The following RNF111 variants were observed in gnomAD, a reference collection of about 807,000 sequenced individuals.
RNF111 encodes E3 ubiquitin-protein ligase Arkadia.
Under a neutral mutation model 95.1 loss-of-function variants are expected in RNF111, and 17 were observed. The ratio of observed to expected loss-of-function variants is 0.18; its 90% CI spans 0.12 to 0.27. The LOEUF is 0.27. Ranked by LOEUF, RNF111 falls within the 10% of genes least tolerant of loss-of-function variation. RNF111 has a pLI of 1.00. For missense variants in RNF111, 1,189 were observed against 1,210.4 expected, an observed-to-expected ratio of 0.98 and a Z score of 0.26; for synonymous variants, 440 against 414.8, an observed-to-expected ratio of 1.06 and a Z score of -0.74.
intron 1 of RNF111, among the ~76,000 whole-genome samples, chr15:59,021,563 G>A (rs191099222): frequency 6.6e-4 from 100 of 152,256 alleles, no homozygotes; most frequent in Non-Finnish European, 1.3e-3. Context: ...AATAATAACA[G>A]CCACTATGCC....
chr15:59,039,136 T>A (rs1306097263), intron 2 of RNF111, among the ~76,000 whole-genome samples: 1 of 151,994 alleles, frequency 6.6e-6, no homozygotes, highest in Non-Finnish European at 1.5e-5. Context: ...GGCTAATTTT[T>A]TATTTTTAGT....
At chr15:59,045,027 A>C (rs1369388408) in intron 2 of RNF111, among the ~76,000 whole-genome samples, 1 of 152,206 alleles carries the variant, frequency 6.6e-6, no homozygotes, top group Non-Finnish European at 1.5e-5. Context: ...TTAGTTACAT[A>C]ATCTCTGTAT....
intron 1 of RNF111, among the ~76,000 whole-genome samples, chr15:59,026,559 T>C (rs1451327790): frequency 1.3e-5 from 2 of 152,198 alleles, no homozygotes; most frequent in African/African-American, 2.4e-5. Flanking sequence ...TTTACAAAAA[T>C]AAAAGACTAG....
intron 1 of RNF111, among the ~76,000 whole-genome samples, chr15:59,017,457 A>G (rs1185283306): frequency 6.6e-6 from 1 of 152,228 alleles, no homozygotes; most frequent in Admixed American, 6.5e-5. Context: ...CAGATTGTTA[A>G]ATTTTGAAGA....
intron 1 of RNF111, among the ~76,000 whole-genome samples, chr15:59,021,724 C>T (rs1256080120): frequency 6.6e-6 from 1 of 152,244 alleles, no homozygotes; most frequent in East Asian, 1.9e-4. Flanking sequence ...ACTCAGTGAT[C>T]CCTGGATCGA....
intron 5 of RNF111, among the ~76,000 whole-genome samples, chr15:59,064,849 C>T (rs1274382522): frequency 1.3e-5 from 2 of 152,064 alleles, no homozygotes; most frequent in East Asian, 3.9e-4. Context: ...CAGGATAAGA[C>T]ATGTAAGAGA....
chr15:59,023,624 G>A (rs759697436), intron 1 of RNF111, among the ~76,000 whole-genome samples: 1 of 152,076 alleles, frequency 6.6e-6, no homozygotes, highest in Non-Finnish European at 1.5e-5. Flanking sequence ...AGTGTCATCT[G>A]CCAATAATGA....
chr15:59,043,218 G>A (rs879573569), intron 2 of RNF111, among the ~76,000 whole-genome samples: 17 of 150,674 alleles, frequency 1.1e-4, no homozygotes, highest in Non-Finnish European at 2.1e-4. Context: ...GCAGTGGTGC[G>A]ATCTCCGCTC....
intron 1 of RNF111, among the ~76,000 whole-genome samples, chr15:58,996,746 G>C (rs1381622192): frequency 7.8e-6 from 1 of 127,502 alleles, no homozygotes; most frequent in African/African-American, 3.1e-5. Context: ...ATGGATATTT[G>C]CTTTATTTAC....
chr15:59,042,007 T>C (rs1368786295), intron 2 of RNF111, among the ~76,000 whole-genome samples: 1 of 150,994 alleles, frequency 6.6e-6, no homozygotes, highest in Non-Finnish European at 1.5e-5. Context: ...GATACTGGTC[T>C]TCATTCTTCT....
intron 11 of RNF111, among the ~76,000 whole-genome samples, 173 bp from the exon 12 acceptor site, chr15:59,090,886 T>TTA (rs1300237645): frequency 1.3e-5 from 2 of 152,140 alleles, no homozygotes; most frequent in Non-Finnish European, 2.9e-5. Context: ...ATAAACTGTT[T>TTA]TATATATATA....
At chr15:58,998,476 C>T (rs200823084) in intron 1 of RNF111, among the ~76,000 whole-genome samples, 3 of 152,132 alleles carry the variant, frequency 2.0e-5, no homozygotes, top group Non-Finnish European at 4.4e-5. Context: ...AAGGTTGTTA[C>T]AGGGTCTTCC....
intron 1 of RNF111, among the ~76,000 whole-genome samples, chr15:59,014,758 C>CTTT (rs1235678150): frequency 2.1e-5 from 3 of 140,576 alleles, no homozygotes; most frequent in Non-Finnish European, 4.7e-5. Context: ...GAATTGCAGA[C>CTTT]TTTTTTTTTT....
intron 6 of RNF111, among the ~76,000 whole-genome samples, chr15:59,070,735 C>A (rs1316717503): frequency 1.3e-5 from 2 of 152,130 alleles, no homozygotes; most frequent in Non-Finnish European, 2.9e-5. Context: ...CCTTTCAGCA[C>A]CCAGAGTTCC....
intron 1 of RNF111, among the ~76,000 whole-genome samples, chr15:59,001,454 C>A (rs2039320464): frequency 6.6e-6 from 1 of 152,004 alleles, no homozygotes; most frequent in South Asian, 2.1e-4. Flanking sequence ...TTTTTACTAT[C>A]AGTTTAGTGG....
intron 8 of RNF111, among the ~76,000 whole-genome samples, chr15:59,083,576 C>T (rs552494471): frequency 6.6e-6 from 1 of 151,700 alleles, no homozygotes; most frequent in Non-Finnish European, 1.5e-5. Context: ...ATACACGTTT[C>T]CTAGGTGTGT....
chr15:59,020,058 A>G (rs2040259552), intron 1 of RNF111, among the ~76,000 whole-genome samples: 1 of 150,360 alleles, frequency 6.7e-6, no homozygotes, highest in Non-Finnish European at 1.5e-5. Flanking sequence ...CTTAGATTTT[A>G]TTTTATATAT....
At chr15:59,068,650 C>T (rs1307817637) in intron 6 of RNF111, among the ~76,000 whole-genome samples, 2 of 151,728 alleles carry the variant, frequency 1.3e-5, no homozygotes, top group Admixed American at 1.3e-4. Context: ...ACTCTTGTTG[C>T]CTAGGATTAC....
At chr15:59,042,081 ACAAATTAATTAGT>A (rs1223068437) in intron 2 of RNF111, among the ~76,000 whole-genome samples, 1 of 150,670 alleles carries the variant, frequency 6.6e-6, no homozygotes, top group Non-Finnish European at 1.5e-5. Flanking sequence ...CACATTTTTC[ACAAATTAATTAGT>A]AGTTTCTTGA....
Sources: allele counts gnomAD v4.1 joint callset (sites outside exome capture counted in the v4.1 genomes callset), GRCh38; gene constraint gnomAD v4.1.1; transcripts MANE v1.5; gene names NCBI Gene and HGNC (gene_info 2026-07-23, HGNC 2026-07-21).